The following GTF3C5 variants were observed in gnomAD, a reference collection of about 807,000 sequenced individuals.
GTF3C5 encodes general transcription factor 3C polypeptide 5.
Under a neutral mutation model 61.0 loss-of-function variants are expected in GTF3C5, and 47 were observed. That is an observed-to-expected ratio of 0.77 (90% CI 0.61 to 0.98). The LOEUF is 0.98. GTF3C5 is among the 50% of genes least tolerant of loss of function. The probability of loss-of-function intolerance (pLI) is 0.00; values close to 1 mark genes in which losing one functional copy is unlikely to be tolerated. For missense variants in GTF3C5, 659 were observed against 703.3 expected, an observed-to-expected ratio of 0.94 and a Z score of 0.71; for synonymous variants, 295 against 275.4, an observed-to-expected ratio of 1.07 and a Z score of -0.71.
chr9:133,041,537 C>G (rs999996462), intron 1 of GTF3C5, among the ~76,000 whole-genome samples: 7 of 152,210 alleles, frequency 4.6e-5, no homozygotes, highest in Admixed American at 4.6e-4. Flanking sequence ...CCCACGTGAC[C>G]TTACCTATCA....
chr9:133,053,119 C>G (rs567026572), intron 5 of GTF3C5, among the ~76,000 whole-genome samples: 1 of 152,282 alleles, frequency 6.6e-6, no homozygotes, highest in South Asian at 2.1e-4. Context: ...GGATTATAGG[C>G]GAGAGCCACT....
intron 9 of GTF3C5, among the ~76,000 whole-genome samples, chr9:133,056,334 C>G (rs1188111457): frequency 6.6e-6 from 1 of 152,234 alleles, no homozygotes; most frequent in Non-Finnish European, 1.5e-5. Context: ...GTCCTTGCTC[C>G]TCTTCCACTG....
At chr9:133,039,166 T>C (rs1462288686) in intron 1 of GTF3C5, among the ~76,000 whole-genome samples, 2 of 152,212 alleles carry the variant, frequency 1.3e-5, no homozygotes, top group Non-Finnish European at 2.9e-5. Flanking sequence ...AGTGTCTCTT[T>C]AGAGAAGTTT....
chr9:133,041,838 G>A (rs780513671), intron 1 of GTF3C5, among the ~76,000 whole-genome samples: 5 of 152,254 alleles, frequency 3.3e-5, no homozygotes, highest in East Asian at 1.9e-4. Context: ...GCCCCACACC[G>A]AGCAGGCACT....
At chr9:133,053,744 T>C in intron 5 of GTF3C5, 84 bp from the exon 6 acceptor site, 1 of 801,846 alleles carries the variant, frequency 1.2e-6, no homozygotes. Flanking sequence ...CCTGAGCTCT[T>C]CTGCTGCCTC....
Position 133,058,287 on chromosome 9 carries a change from A to C in GTF3C5, c.*307A>C. On this transcript the variant is annotated 3_prime_UTR_variant, in exon 11 of 11. Transcript: ENST00000372097. ...AATGCCTCTCAGGATGAGACCAGTAAATGCCGGAGGTGGAGCTGGGCAGCT... is the reference window on the plus strand; with the variant it reads ...AATGCCTCTCAGGATGAGACCAGTACATGCCGGAGGTGGAGCTGGGCAGCT... 1 of 476,980 alleles carries C rather than the reference A, an allele frequency of 2.1e-6. No individual in the cohort carries two copies. Among genetic ancestry groups the C allele is most frequent in the Non-Finnish European group, 3.0e-6 (1 of 329,700 alleles). The allele number at this position is 476,980 out of a possible 1,614,324, so 29.5% of individuals were successfully genotyped here.
intron 10 of GTF3C5, among the ~76,000 whole-genome samples, chr9:133,057,613 C>T (rs1399527197): frequency 6.6e-6 from 1 of 152,164 alleles, no homozygotes; most frequent in African/African-American, 2.4e-5. Flanking sequence ...TCATGGCTCC[C>T]CTGCTGCAGG....
intron 1 of GTF3C5, among the ~76,000 whole-genome samples, chr9:133,038,849 T>C (rs562098329): frequency 5.3e-5 from 8 of 152,218 alleles, no homozygotes; most frequent in Non-Finnish European, 1.0e-4. Context: ...ACAGGGTGTG[T>C]TGCACTGCCG....
At chr9:133,034,766 A>G (rs1343115311) in intron 1 of GTF3C5, among the ~76,000 whole-genome samples, 1 of 152,220 alleles carries the variant, frequency 6.6e-6, no homozygotes, top group Non-Finnish European at 1.5e-5. Context: ...GTCTGTGCTC[A>G]GAGGCCTTCA....
intron 5 of GTF3C5, 57 bp downstream of exon 5, chr9:133,052,221 C>G: frequency 1.1e-6 from 1 of 934,972 alleles, no homozygotes; most frequent in Non-Finnish European, 1.7e-6. Context: ...GTCCCTGGTC[C>G]CTGCTGTGAT....
Position 133,056,000 on chromosome 9 carries a change from C to T in GTF3C5, c.1168-12C>T, listed in dbSNP as rs2119038060. ...GCTCACCTTCCCTGTCTCTCTCCCC[C>T]TTTGTCACCAGGACTCTGTCTACAT... On this transcript the variant is annotated splice_polypyrimidine_tract_variant and intron_variant, in intron 8 of 10. Transcript: ENST00000372097. 2 of 1,614,084 alleles carry T rather than the reference C, an allele frequency of 1.2e-6. No homozygotes were observed. Among genetic ancestry groups the T allele is most frequent in the Non-Finnish European group, 8.5e-7 (1 of 1,179,934 alleles).
Position 133,053,844 on chromosome 9 carries a change from G to A in GTF3C5, c.890G>A (p.Arg297His), listed in dbSNP as rs1362067951. The A allele has an allele frequency of 1.9e-6, 3 of 1,607,392 alleles. No homozygotes were observed. The highest frequency in any genetic ancestry group is 1.7e-5 in the Admixed American group (1 of 59,074). Reference sequence around the variant, plus strand: ...CTGTCCCAGATAACAGGCCCCTGGCGCAGCCTATGGATTCGATTTGGGTAT... The same window carrying A: ...CTGTCCCAGATAACAGGCCCCTGGCACAGCCTATGGATTCGATTTGGGTAT... ...IAYYMITGPW[R>H]SLWIRFGYDP... The change falls in exon 6 of 11, where the codon CGC becomes CAC. Residue 297 changes from arginine to histidine, a missense_variant. Physicochemically the swap from Arg to His is conservative, Grantham distance 29. Transcript: ENST00000372097.
intron 3 of GTF3C5, among the ~76,000 whole-genome samples, chr9:133,050,365 C>T (rs1850333137): frequency 6.6e-6 from 1 of 152,268 alleles, no homozygotes; most frequent in South Asian, 2.1e-4. Flanking sequence ...TTCTCTCATG[C>T]AGCTGTGCTG....
At chr9:133,038,134 A>G (rs936531018) in intron 1 of GTF3C5, among the ~76,000 whole-genome samples, 2 of 152,174 alleles carry the variant, frequency 1.3e-5, no homozygotes, top group African/African-American at 4.8e-5. Flanking sequence ...AACTAAGGGC[A>G]AGGAGGCGCA....
chr9:133,052,156 T>C lies in GTF3C5; in HGVS notation c.865T>C (p.Tyr289His). Reference protein sequence around the residue: ...KLKVLLPFIAYYMITGPWRSL... With the variant: ...KLKVLLPFIAHYMITGPWRSL... ...CAAGGTCTTGCTTCCCTTCATAGCC[T>C]ATTACATGGTAAGTGTCAGCTGCCC... Residue 289 changes from tyrosine to histidine, a missense_variant, in exon 5 of 11, where the codon TAT (tyrosine) becomes CAT (histidine). Tyr to His is a moderately conservative substitution (Grantham distance 83). Transcript: ENST00000372097. 1.6e-5 allele frequency: 25 copies of C among 1,566,844 alleles called. No homozygotes were observed. The highest frequency in any genetic ancestry group is 2.2e-5 in the Non-Finnish European group (25 of 1,141,408).
intron 1 of GTF3C5, among the ~76,000 whole-genome samples, chr9:133,035,733 T>TGA (rs1849844462): frequency 6.6e-6 from 1 of 152,208 alleles, no homozygotes; most frequent in Non-Finnish European, 1.5e-5. Context: ...TTTGGCTATT[T>TGA]GATCTGCAAG....
chr9:133,038,108 C>G (rs1306923997), intron 1 of GTF3C5, among the ~76,000 whole-genome samples: 2 of 152,062 alleles, frequency 1.3e-5, no homozygotes, highest in African/African-American at 2.4e-5. Context: ...GCGGGAAGGG[C>G]AGTTACAGAG....
At position 133,058,071 on chromosome 9, in the gene GTF3C5, C is replaced by G; in HGVS notation, c.*91C>G. 1 of 1,579,228 alleles carries G rather than the reference C, an allele frequency of 6.3e-7. No homozygotes were observed. The highest frequency in any genetic ancestry group is 8.6e-7 in the Non-Finnish European group (1 of 1,165,146). ...GCTCCCCATTGCCACCCACAGTGCCCGGAATGGCCCTAGGAGGCCCTCTGA... is the reference window on the plus strand; with the variant it reads ...GCTCCCCATTGCCACCCACAGTGCCGGGAATGGCCCTAGGAGGCCCTCTGA... On this transcript the variant is annotated 3_prime_UTR_variant, in exon 11 of 11. Transcript: ENST00000372097.
intron 1 of GTF3C5, among the ~76,000 whole-genome samples, chr9:133,041,010 G>C (rs1328871147): frequency 1.3e-5 from 2 of 152,242 alleles, no homozygotes; most frequent in Non-Finnish European, 2.9e-5. Context: ...GATAGGAGCT[G>C]AGGGGACATG....
Sources: allele counts gnomAD v4.1 joint callset (sites outside exome capture counted in the v4.1 genomes callset), GRCh38; gene constraint gnomAD v4.1.1; transcripts MANE v1.5; gene names NCBI Gene and HGNC (gene_info 2026-07-23, HGNC 2026-07-21).